CDK14: variants seen among roughly 807,000 people sequenced by gnomAD.
CDK14 encodes cyclin-dependent kinase 14.
CDK14 carries 34 observed loss-of-function variants against 60.7 expected under a neutral mutation model. That is an observed-to-expected ratio of 0.56 (90% confidence interval 0.43 to 0.75). The LOEUF (loss-of-function observed/expected upper bound fraction) is 0.75. Ranked by LOEUF, CDK14 falls within the 30% of genes least tolerant of loss-of-function variation. CDK14 has a pLI of 0.00. For synonymous variants in CDK14, 197 were observed against 203.7 expected, an observed-to-expected ratio of 0.97 and a Z score of 0.28; for missense variants, 482 against 564.1, an observed-to-expected ratio of 0.85 and a Z score of 1.47.
chr7:90,926,990 T>C (rs1378719596), intron 8 of CDK14, among the ~76,000 whole-genome samples: 3 of 152,142 alleles, frequency 2.0e-5, no homozygotes, highest in South Asian at 2.1e-4. Context: ...AAGAGATGCA[T>C]AGGGCAAGGT....
At chr7:91,052,221 G>A (rs1230177280) in intron 11 of CDK14, among the ~76,000 whole-genome samples, 3 of 152,202 alleles carry the variant, frequency 2.0e-5, no homozygotes, top group African/African-American at 7.2e-5. Context: ...TTCTTGTGAA[G>A]TTAGGAACCT....
chr7:90,656,851 G>GT (rs1450645181), intron 2 of CDK14, among the ~76,000 whole-genome samples: 1 of 152,062 alleles, frequency 6.6e-6, no homozygotes, highest in Non-Finnish European at 1.5e-5. Context: ...TAAACATGAA[G>GT]TTTTTTTAGT....
intron 12 of CDK14, among the ~76,000 whole-genome samples, chr7:91,112,196 G>T (rs958341573): frequency 8.6e-5 from 13 of 151,444 alleles, no homozygotes; most frequent in African/African-American, 3.2e-4. Flanking sequence ...TCCAGATGTG[G>T]GTATAGTACA....
intron 3 of CDK14, among the ~76,000 whole-genome samples, chr7:90,741,868 T>A (rs1481683223): frequency 6.6e-6 from 1 of 152,140 alleles, no homozygotes; most frequent in Non-Finnish European, 1.5e-5. Flanking sequence ...ACATAATTTT[T>A]TGATTTTATT....
At chr7:91,075,237 C>A (rs899342833) in intron 11 of CDK14, among the ~76,000 whole-genome samples, 2 of 152,140 alleles carry the variant, frequency 1.3e-5, no homozygotes, top group African/African-American at 4.8e-5. Context: ...AAACAAAAAT[C>A]CTCAATAAAA....
rs1190410530 is a variant in CDK14, at chr7:90,757,784, G to T, written c.464+10009G>T. On this transcript the variant is annotated intron_variant, in intron 4 of 14. Transcript: ENST00000380050. ...ACCCAGCTAATTTTCATATTTTTTT[G>T]TAGAGACGGGGTTTTGCCATGTTGC... 2.0e-5 allele frequency among the ~76,000 whole-genome samples: 3 copies of T among 151,948 alleles called. No individual in the cohort carries two copies. In the East Asian group the frequency reaches 5.8e-4, roughly 29 times the overall value.
In CDK14 at chr7:91,058,951, A is replaced by G. The variant is rs1023809832; in HGVS notation, c.1105+12991A>G. On this transcript the variant is annotated intron_variant, in intron 11 of 14. Coordinates refer to ENST00000380050, the MANE Select transcript of CDK14 (RefSeq NM_001287135.2). ...GTTAGGGAGGATTTCCTCTTTTTCT[A>G]TTGATTGGAGTAGCTTCAGAAGGAA... is the stretch of plus-strand genomic sequence containing the variant. 3.9e-5 allele frequency among the ~76,000 whole-genome samples: 6 copies of G among 152,160 alleles called. No individual in the cohort carries two copies. In the South Asian group the frequency reaches 6.2e-4, roughly 16 times the overall value.
intron 14 of CDK14, among the ~76,000 whole-genome samples, chr7:91,121,922 C>A (rs1799792328): frequency 6.6e-6 from 1 of 152,132 alleles, no homozygotes; most frequent in African/African-American, 2.4e-5. Flanking sequence ...TGCAGTGATA[C>A]CAAACACATC....
At chr7:90,714,291 A>G (rs1254248906) in intron 2 of CDK14, among the ~76,000 whole-genome samples, 3 of 152,080 alleles carry the variant, frequency 2.0e-5, no homozygotes, top group African/African-American at 7.2e-5. Flanking sequence ...TCTTGCTAAA[A>G]ATACAAAGTT....
chr7:91,091,101 A>G (rs1798791960), intron 12 of CDK14, among the ~76,000 whole-genome samples: 1 of 151,674 alleles, frequency 6.6e-6, no homozygotes, highest in Admixed American at 6.6e-5. Flanking sequence ...TATTATTTTG[A>G]AAATGTTCTT....
rs539476845 is a variant in CDK14 at position 90,791,998 on chromosome 7, G to A, written c.544+1346G>A. Among the ~76,000 whole-genome samples the A allele has an allele frequency of 1.5e-4, 22 of 151,022 alleles. 1 individual carries two copies. In the South Asian group the frequency reaches 1.9e-3, roughly 13 times the overall value. On this transcript the variant is annotated intron_variant, in intron 5 of 14. Transcript: ENST00000380050. ...GCTCACTGCAACCTCTGTCTCCCCGGTTCAAGCAATTCTCCTGCCTCAGCC... is the reference window on the plus strand; with the variant it reads ...GCTCACTGCAACCTCTGTCTCCCCGATTCAAGCAATTCTCCTGCCTCAGCC...
rs539503696 is a variant in CDK14, at chr7:90,598,743, C to CGCCCAG, written c.91+2028_91+2033dup. Among the ~76,000 whole-genome samples the CGCCCAG allele has an allele frequency of 6.3e-4, 66 of 104,646 alleles. No homozygotes were observed. In the East Asian group the frequency reaches 0.016, roughly 25 times the overall value. 68.7% of individuals were successfully genotyped at this position (104,646 alleles called of 152,430 possible). On this transcript the variant is annotated intron_variant, in intron 1 of 14. Transcript: ENST00000380050. ...TTTTTGAGACGGAGTCTCGCTCTGT[C>CGCCCAG]GCCCAGGCTGGAGTGCAGTGGCGGG...
intron 11 of CDK14, among the ~76,000 whole-genome samples, chr7:91,067,495 G>C (rs1449397771): frequency 6.6e-6 from 1 of 152,154 alleles, no homozygotes; most frequent in Non-Finnish European, 1.5e-5. Flanking sequence ...CTCTAGTGGG[G>C]ACTCTGTCTG....
intron 4 of CDK14, among the ~76,000 whole-genome samples, chr7:90,762,650 C>T (rs1804365730): frequency 1.3e-5 from 2 of 151,930 alleles, no homozygotes; most frequent in African/African-American, 4.8e-5. Context: ...AGATTGAAAG[C>T]AAAAAGATAG....
chr7:91,154,280 C>T (rs893456045), intron 14 of CDK14, among the ~76,000 whole-genome samples: 1 of 151,072 alleles, frequency 6.6e-6, no homozygotes, highest in African/African-American at 2.4e-5. Context: ...TCCTCTTCTG[C>T]TTGGTGTATT....
intron 12 of CDK14, among the ~76,000 whole-genome samples, chr7:91,111,799 G>A (rs929780979): frequency 2.6e-5 from 4 of 152,156 alleles, no homozygotes; most frequent in African/African-American, 9.7e-5. Flanking sequence ...TGATTGCTCT[G>A]AGTAGAGAAA....
At chr7:90,842,609 A>T (rs959300539) in intron 5 of CDK14, among the ~76,000 whole-genome samples, 1 of 152,116 alleles carries the variant, frequency 6.6e-6, no homozygotes, top group Non-Finnish European at 1.5e-5. Flanking sequence ...CCACACATCT[A>T]TGTGCGTCTG....
chr7:91,179,072 G>A (rs1801893032), intron 14 of CDK14, among the ~76,000 whole-genome samples: 1 of 152,048 alleles, frequency 6.6e-6, no homozygotes, highest in Non-Finnish European at 1.5e-5. Flanking sequence ...GTCCAACAAT[G>A]ATAGACTGGA....
At chr7:90,966,720 G>C (rs1248521268) in intron 9 of CDK14, among the ~76,000 whole-genome samples, 1 of 152,080 alleles carries the variant, frequency 6.6e-6, no homozygotes, top group Non-Finnish European at 1.5e-5. Context: ...TGAGGCTAAA[G>C]TTTGCTCTTC....
Sources: gnomAD v4.1 joint callset for allele counts (sites outside exome capture counted in the v4.1 genomes callset) on GRCh38, gnomAD v4.1.1 for gene constraint, MANE v1.5 for transcripts, NCBI Gene and HGNC (gene_info 2026-07-23, HGNC 2026-07-21) for gene names.